TEC: variants seen among roughly 807,000 people sequenced by gnomAD.
The protein encoded by TEC is tyrosine-protein kinase Tec.
In TEC, 72 loss-of-function variants were observed where a neutral mutation model predicts 93.0. The ratio of observed to expected loss-of-function variants is 0.77; its 90% confidence interval spans 0.64 to 0.94. TEC has a LOEUF of 0.94. TEC is among the 40% of genes least tolerant of loss of function. TEC has a pLI of 0.00. For synonymous variants in TEC, 249 were observed against 247.7 expected (o/e 1.01, Z -0.05); for missense variants, 630 against 757.9 (o/e 0.83, Z 1.98).
At chr4:48,261,296 C>T (rs1246596755) in intron 1 of TEC, among the ~76,000 whole-genome samples, 3 of 152,124 alleles carry the variant, frequency 2.0e-5, no homozygotes, top group Admixed American at 2.0e-4. Flanking sequence ...TTTCTGTTTC[C>T]CTGCATGGTT....
At chr4:48,240,411 C>G (rs904672259) in intron 1 of TEC, among the ~76,000 whole-genome samples, 1 of 152,088 alleles carries the variant, frequency 6.6e-6, no homozygotes, top group Non-Finnish European at 1.5e-5. Flanking sequence ...GGCTCACCTT[C>G]CCCAAGGACC....
At chr4:48,150,126 T>C (rs1298681648) in intron 10 of TEC, among the ~76,000 whole-genome samples, 1 of 152,180 alleles carries the variant, frequency 6.6e-6, no homozygotes, top group African/African-American at 2.4e-5. Context: ...TTGCTAAAAA[T>C]ACTTTCAAGA....
intron 1 of TEC, among the ~76,000 whole-genome samples, chr4:48,256,902 G>A (rs1475844890): frequency 1.3e-5 from 2 of 152,168 alleles, no homozygotes; most frequent in Non-Finnish European, 2.9e-5. Flanking sequence ...ATAGAGCTGC[G>A]CTGTTCAATA....
chr4:48,260,488 A>C (rs1357590412), intron 1 of TEC, among the ~76,000 whole-genome samples: 3 of 152,188 alleles, frequency 2.0e-5, no homozygotes, highest in Admixed American at 2.0e-4. Context: ...CAGGAGGCTG[A>C]AGCCAGAGGC....
At chr4:48,250,883 TC>T (rs1374920302) in intron 1 of TEC, among the ~76,000 whole-genome samples, 2 of 152,098 alleles carry the variant, frequency 1.3e-5, no homozygotes, top group Admixed American at 1.3e-4. Context: ...CAAAAATAAA[TC>T]CTAATTGTTG....
intron 1 of TEC, among the ~76,000 whole-genome samples, chr4:48,261,386 A>G (rs1388783701): frequency 2.0e-5 from 3 of 152,346 alleles, no homozygotes; most frequent in East Asian, 3.9e-4. Flanking sequence ...TAACCCTAAT[A>G]GTAAAAACTA....
chr4:48,140,117 T>C (rs909255248), intron 15 of TEC, among the ~76,000 whole-genome samples: 44 of 152,184 alleles, frequency 2.9e-4, no homozygotes, highest in African/African-American at 9.7e-4. Flanking sequence ...ATCCTAAGAG[T>C]TGGAAGTTCT....
At chr4:48,137,625 G>A in intron 17 of TEC, 126 bp from the exon 18 acceptor site, 1 of 738,952 alleles carries the variant, frequency 1.4e-6, no homozygotes, top group Non-Finnish European at 2.3e-6. Context: ...AGGACATACA[G>A]GCATCTCCAA....
chr4:48,166,169 T>C (rs775634070), intron 7 of TEC, among the ~76,000 whole-genome samples: 13 of 152,020 alleles, frequency 8.6e-5, no homozygotes, highest in Non-Finnish European at 1.8e-4. Flanking sequence ...AGTAAGAGTG[T>C]GGGTGTACAG....
chr4:48,249,068 G>T (rs1179228805), intron 1 of TEC, among the ~76,000 whole-genome samples: 3 of 152,088 alleles, frequency 2.0e-5, no homozygotes, highest in Non-Finnish European at 4.4e-5. Context: ...TTACACACCA[G>T]CTTATCAAAA....
rs200782202 is a variant in TEC at position 48,160,737 on chromosome 4, AAAAGAAAG to A, written c.737+2957_737+2964del. 3.6e-3 allele frequency among the ~76,000 whole-genome samples: 469 copies of A among 131,404 alleles called. 4 individuals carry two copies. Among genetic ancestry groups the A allele is most frequent in the Non-Finnish European group, 5.9e-3 (375 of 63,208 alleles). The allele number at this position is 131,404 out of a possible 152,430, so 86.2% of individuals were successfully genotyped here. A position where few individuals can be genotyped will look rare whatever the true frequency, so the allele number is the denominator to read the frequency against. ...GTAAGACTCTGTCTCCAGAAAAAAA[AAAAGAAAG>A]AAAGAAAGAAAGAAAGAAAAGAAAA... On this transcript the variant is annotated intron_variant, in intron 8 of 17. Transcript: ENST00000381501.
In TEC at chr4:48,223,629, T is replaced by A. The variant is rs1723338331; in HGVS notation, c.138+4848A>T. 2.0e-5 allele frequency among the ~76,000 whole-genome samples: 3 copies of A among 152,222 alleles called. No individual in the cohort carries two copies. The South Asian group carries it at 6.2e-4, about 31-fold the overall frequency. ...TGTAGTTAGTGCTCAATAGGTTGTATCATTTTTACTACTAATGTGCAGAAA... is the reference window on the plus strand; with the variant it reads ...TGTAGTTAGTGCTCAATAGGTTGTAACATTTTTACTACTAATGTGCAGAAA... On this transcript the variant is annotated intron_variant, in intron 2 of 17. Transcript: ENST00000381501.
At chr4:48,222,630 C>T (rs190779538) in intron 2 of TEC, among the ~76,000 whole-genome samples, 256 of 152,100 alleles carry the variant, frequency 1.7e-3, no homozygotes, top group Non-Finnish European at 3.1e-3. Flanking sequence ...ATCATCCAAC[C>T]CTGAATAGAA....
chr4:48,172,375 T>C (rs1290769720), intron 3 of TEC, among the ~76,000 whole-genome samples: 1 of 152,198 alleles, frequency 6.6e-6, no homozygotes, highest in Non-Finnish European at 1.5e-5. Context: ...TGATAAATGG[T>C]TATCACTGAC....
intron 2 of TEC, among the ~76,000 whole-genome samples, chr4:48,184,630 C>A (rs1203661133): frequency 6.6e-6 from 1 of 152,134 alleles, no homozygotes; most frequent in African/African-American, 2.4e-5. Flanking sequence ...TCATTTTGCA[C>A]CACTGAATTG....
intron 1 of TEC, among the ~76,000 whole-genome samples, chr4:48,247,102 C>T (rs908635966): frequency 1.2e-4 from 18 of 151,058 alleles, no homozygotes; most frequent in African/African-American, 4.4e-4. Context: ...GACATTTCTC[C>T]AAAAACATAT....
intron 15 of TEC, among the ~76,000 whole-genome samples, chr4:48,139,368 G>T (rs550729368): frequency 7.2e-5 from 11 of 152,176 alleles, no homozygotes; most frequent in Admixed American, 5.9e-4. Flanking sequence ...TTACCCAAAG[G>T]CCCCATATGT....
intron 2 of TEC, among the ~76,000 whole-genome samples, chr4:48,184,470 G>A (rs2109570124): frequency 6.6e-6 from 1 of 152,238 alleles, no homozygotes; most frequent in Middle Eastern, 3.4e-3. Context: ...ATGGGGTGTT[G>A]GCTGGAATTG....
Position 48,138,941 on chromosome 4 carries a change from GT to G in TEC, c.1616del (p.Tyr539SerfsTer16). ...CATCTGATTTGCTGCTGAAGCGGCT[GT>G]AATTAAACACTTCAGGTGGACACCA... ...VKWCPPEVFN[Y>X]SRFSSKSDVW... On this transcript the variant is annotated frameshift_variant, in exon 16 of 18. Coordinates refer to ENST00000381501, the MANE Select transcript of TEC (RefSeq NM_003215.3). LOFTEE classifies it high-confidence loss of function. 1 of 1,614,234 alleles carries G rather than the reference GT, an allele frequency of 6.2e-7. No homozygotes were observed. The highest frequency in any genetic ancestry group is 8.5e-7 in the Non-Finnish European group (1 of 1,180,042).
Sources: gnomAD v4.1 joint callset for allele counts (sites outside exome capture counted in the v4.1 genomes callset) on GRCh38, gnomAD v4.1.1 for gene constraint, MANE v1.5 for transcripts, NCBI Gene and HGNC (gene_info 2026-07-23, HGNC 2026-07-21) for gene names.